The following TASP1 variants were observed in gnomAD, a reference collection of about 807,000 sequenced individuals.
The protein encoded by TASP1 is threonine aspartase 1.
A neutral mutation model predicts 56.6 loss-of-function variants in TASP1; 16 were observed. The ratio of observed to expected loss-of-function variants is 0.28; its 90% CI spans 0.19 to 0.43. The LOEUF (loss-of-function observed/expected upper bound fraction) is 0.43. TASP1 is among the 20% of genes least tolerant of loss of function. TASP1 has a pLI of 1.00. For synonymous variants in TASP1, 179 were observed against 184.2 expected, an observed-to-expected ratio of 0.97 and a Z score of 0.23; for missense variants, 393 against 511.6, an observed-to-expected ratio of 0.77 and a Z score of 2.24.
the TASP1 span, among the ~76,000 whole-genome samples, chr20:13,195,404 A>C: frequency 2.0e-5 from 3 of 152,242 alleles, no homozygotes; most frequent in Non-Finnish European, 4.4e-5. Flanking sequence ...CCCGTGTGGA[A>C]GTCAAGTCAC....
the TASP1 span, among the ~76,000 whole-genome samples, chr20:13,279,089 T>TG: frequency 6.6e-6 from 1 of 152,228 alleles, no homozygotes; most frequent in South Asian, 2.1e-4. Context: ...CCTCTCTCAA[T>TG]GGGAGATGTG....
intron 5 of TASP1, among the ~76,000 whole-genome samples, chr20:13,582,968 G>A (rs963278885): frequency 6.6e-6 from 1 of 152,182 alleles, no homozygotes; most frequent in Non-Finnish European, 1.5e-5. Context: ...TCTGACCAAT[G>A]TGGTACTCTC....
chr20:13,288,690 T>A, the TASP1 span: 8 of 1,611,740 alleles, frequency 5.0e-6, no homozygotes, highest in South Asian at 8.8e-5. Context: ...CCAGGTGCGT[T>A]TACCTGAGTG....
chr20:13,112,808 A>G, the TASP1 span, among the ~76,000 whole-genome samples: 1 of 152,216 alleles, frequency 6.6e-6, no homozygotes, highest in Non-Finnish European at 1.5e-5. Context: ...AAATAAAGAT[A>G]GCCTAGAGTT....
the TASP1 span, among the ~76,000 whole-genome samples, chr20:13,193,762 C>T: frequency 6.6e-6 from 1 of 152,118 alleles, no homozygotes; most frequent in African/African-American, 2.4e-5. Context: ...TGTCTGTTGC[C>T]TCATTATCCC....
chr20:13,342,311 AG>A, the TASP1 span, among the ~76,000 whole-genome samples: 1 of 152,140 alleles, frequency 6.6e-6, no homozygotes, highest in Non-Finnish European at 1.5e-5. Context: ...TTTGACTTTT[AG>A]CTATTTCCAG....
chr20:13,516,799 A>G (rs1039820937), intron 10 of TASP1, among the ~76,000 whole-genome samples: 1 of 152,030 alleles, frequency 6.6e-6, no homozygotes, highest in African/African-American at 2.4e-5. Context: ...TCAAAAGTGC[A>G]TCTTGGGGAT....
chr20:13,172,974 C>T, the TASP1 span, among the ~76,000 whole-genome samples: 1 of 152,202 alleles, frequency 6.6e-6, no homozygotes, highest in African/African-American at 2.4e-5. Context: ...ATCTCCTCCA[C>T]ATGGTGTTTC....
At chr20:13,326,159 T>C in the TASP1 span, among the ~76,000 whole-genome samples, 1 of 152,242 alleles carries the variant, frequency 6.6e-6, no homozygotes, top group Admixed American at 6.5e-5. Flanking sequence ...TTCTTTTTTA[T>C]TGCTGAGTAG....
the TASP1 span, among the ~76,000 whole-genome samples, chr20:13,263,750 G>GA: frequency 6.6e-6 from 1 of 152,140 alleles, no homozygotes. Context: ...CTTTCATCTG[G>GA]AAAAAGGAAA....
chr20:13,252,114 T>C, the TASP1 span, among the ~76,000 whole-genome samples: 2 of 152,222 alleles, frequency 1.3e-5, no homozygotes, highest in Non-Finnish European at 2.9e-5. Flanking sequence ...CAGTTGGCCC[T>C]GTCTACGGAG....
chr20:13,470,765 CCT>C (rs1285362077), intron 11 of TASP1, among the ~76,000 whole-genome samples: 1 of 152,050 alleles, frequency 6.6e-6, no homozygotes, highest in South Asian at 2.1e-4. Context: ...CATTTCTGAT[CCT>C]CTCTCTCTCC....
At chr20:13,317,775 T>C in the TASP1 span, among the ~76,000 whole-genome samples, 1 of 152,114 alleles carries the variant, frequency 6.6e-6, no homozygotes, top group Admixed American at 6.5e-5. Flanking sequence ...CTTTATACCC[T>C]TCACAAAAAT....
At chr20:13,467,734 C>T (rs1443770646) in intron 11 of TASP1, among the ~76,000 whole-genome samples, 3 of 152,104 alleles carry the variant, frequency 2.0e-5, no homozygotes, top group Admixed American at 6.6e-5. Context: ...CACATACACA[C>T]GGCCAGGTGC....
the TASP1 span, among the ~76,000 whole-genome samples, chr20:13,108,289 C>T: frequency 2.7e-3 from 409 of 152,334 alleles, no homozygotes; most frequent in Non-Finnish European, 4.9e-3. Context: ...ATATTCACAA[C>T]TCTATTTCAA....
chr20:13,319,216 G>A, the TASP1 span, among the ~76,000 whole-genome samples: 1 of 151,784 alleles, frequency 6.6e-6, no homozygotes, highest in Non-Finnish European at 1.5e-5. Flanking sequence ...TGACTATTAG[G>A]TAGAAGAAAA....
chr20:13,173,982 C>G, the TASP1 span, among the ~76,000 whole-genome samples: 1 of 152,136 alleles, frequency 6.6e-6, no homozygotes, highest in Admixed American at 6.6e-5. Flanking sequence ...GTAGCTTGTT[C>G]AAAGCTATTC....
intron 4 of TASP1, among the ~76,000 whole-genome samples, chr20:13,609,753 C>A (rs2048286944): frequency 1.3e-5 from 2 of 150,110 alleles, no homozygotes; most frequent in South Asian, 4.2e-4. Flanking sequence ...AATTTCACTT[C>A]TAGGTATATA....
intron 11 of TASP1, among the ~76,000 whole-genome samples, chr20:13,478,473 G>C (rs2043021848): frequency 6.6e-6 from 1 of 152,030 alleles, no homozygotes; most frequent in Admixed American, 6.6e-5. Flanking sequence ...CTCACAAACA[G>C]GAAGTCAAAT....
Sources: gnomAD v4.1 joint callset for allele counts (sites outside exome capture counted in the v4.1 genomes callset) on GRCh38, gnomAD v4.1.1 for gene constraint, MANE v1.5 for transcripts, NCBI Gene and HGNC (gene_info 2026-07-23, HGNC 2026-07-21) for gene names.